Variants in TRPM3 observed in about 807,000 individuals in gnomAD.
The protein encoded by TRPM3 is transient receptor potential cation channel subfamily M member 3.
In TRPM3, 77 loss-of-function variants were observed where a neutral mutation model predicts 181.2. The observed-to-expected ratio is 0.42, with a 90% CI of 0.35 to 0.51. TRPM3 has a LOEUF of 0.51. TRPM3 is among the 20% of genes least tolerant of loss of function. TRPM3 has a pLI of 0.01. For synonymous variants in TRPM3, 745 were observed against 796.4 expected (o/e 0.94, Z 1.09); for missense variants, 1,759 against 2,196.7 (o/e 0.80, Z 3.98).
chr9:70,654,902 C>T (rs1317292619), intron 9 of TRPM3, among the ~76,000 whole-genome samples: 1 of 151,322 alleles, frequency 6.6e-6, no homozygotes, highest in African/African-American at 2.4e-5. Flanking sequence ...CCAGGATGGT[C>T]TCGATCTCCT....
intron 1 of TRPM3, among the ~76,000 whole-genome samples, chr9:71,163,204 T>C (rs947892273): frequency 6.6e-6 from 1 of 152,052 alleles, no homozygotes; most frequent in African/African-American, 2.4e-5. Context: ...GTGTGAAGAA[T>C]AGATTGGGAA....
chr9:70,609,042 T>G (rs2061630367), intron 19 of TRPM3, among the ~76,000 whole-genome samples: 1 of 152,218 alleles, frequency 6.6e-6, no homozygotes, highest in Admixed American at 6.5e-5. Flanking sequence ...ATAGTCACAG[T>G]TACATTGTAC....
rs115376269 is a variant in TRPM3 at position 71,276,210 on chromosome 9, G to A, written c.183+170443C>T. The stretch of plus-strand genomic sequence containing the variant: ...TACATACGTGGCAAAAAATCCCTTC[G>A]TCAACCGTACACACAAATCAATTCT... On this transcript the variant is annotated intron_variant, in intron 1 of 24. Transcript: ENST00000357533. Among the ~76,000 whole-genome samples, 900 of 152,094 alleles carry A rather than the reference G, an allele frequency of 5.9e-3. 14 individuals carry two copies. The highest frequency in any genetic ancestry group is 0.021 in the African/African-American group (865 of 41,476).
chr9:70,589,714 T>C (rs1348242707), intron 22 of TRPM3, among the ~76,000 whole-genome samples: 3 of 152,224 alleles, frequency 2.0e-5, no homozygotes, highest in Non-Finnish European at 2.9e-5. Context: ...CTAAGTCTCA[T>C]GAAACAAGTA....
intron 8 of TRPM3, among the ~76,000 whole-genome samples, chr9:70,690,292 C>G (rs2068132680): frequency 6.6e-6 from 1 of 152,076 alleles, no homozygotes; most frequent in African/African-American, 2.4e-5. Context: ...GATAGATAAT[C>G]AACAAAGAAA....
At chr9:71,366,338 AC>A (rs1441112040) in intron 1 of TRPM3, among the ~76,000 whole-genome samples, 2 of 152,096 alleles carry the variant, frequency 1.3e-5, no homozygotes, top group Admixed American at 1.3e-4. Context: ...TGGTGGGGGT[AC>A]CTGGGAGTGG....
chr9:70,840,676 G>T (rs780578562), intron 5 of TRPM3, among the ~76,000 whole-genome samples: 1 of 152,104 alleles, frequency 6.6e-6, no homozygotes, highest in Non-Finnish European at 1.5e-5. Flanking sequence ...AGTTGGAATG[G>T]GAGGTAGAAG....
At chr9:71,446,716 C>G (rs2094209129) in exon 1 of TRPM3, 1 of 1,550,622 alleles carries the variant, frequency 6.4e-7, no homozygotes, top group East Asian at 2.4e-5. Flanking sequence ...TTAACCTTTT[C>G]CACGACTCGG....
intron 1 of TRPM3, among the ~76,000 whole-genome samples, chr9:71,408,179 C>T (rs894408609): frequency 6.6e-6 from 1 of 152,114 alleles, no homozygotes; most frequent in African/African-American, 2.4e-5. Flanking sequence ...ATTCTAAAAA[C>T]CAGAGCACCT....
At chr9:70,830,563 G>A (rs758005337) in intron 5 of TRPM3, among the ~76,000 whole-genome samples, 15 of 152,160 alleles carry the variant, frequency 9.9e-5, no homozygotes, top group African/African-American at 2.4e-5. Flanking sequence ...CATATTTTGG[G>A]AGAGAGTTTG....
rs1458585399 is a variant in TRPM3, at chr9:70,533,491, A to C, written c.*2462T>G. The C allele has an allele frequency of 6.6e-6, 1 of 152,230 alleles. No individual in the cohort carries two copies. The highest frequency in any genetic ancestry group is 2.4e-5 in the African/African-American group (1 of 41,460). 9.4% of individuals were successfully genotyped at this position (152,230 alleles called of 1,614,324 possible). A position where few individuals can be genotyped will look rare whatever the true frequency, so the allele number is the denominator to read the frequency against. ...AATGTAAAGTGCCTATTACAACTGC[A>C]TTAACTACGAGCAAACATGGTTCCT... On this transcript the variant is annotated 3_prime_UTR_variant, in exon 26 of 26. Transcript: ENST00000677713.
intron 1 of TRPM3, among the ~76,000 whole-genome samples, chr9:71,047,712 A>G (rs1454264884): frequency 6.6e-6 from 1 of 152,168 alleles, no homozygotes; most frequent in Admixed American, 6.5e-5. Context: ...TAGAATGGCT[A>G]AATATGTTCC....
rs535364494 is a variant in TRPM3, at chr9:71,077,460, T to C, written c.177+43718A>G. ...TCAGGTCATCTCTTTCTCACATAGA[T>C]ATACATATCCTATGTGAATTCATTT... On this transcript the variant is annotated intron_variant, in intron 1 of 25. Coordinates refer to ENST00000677713, the MANE Select transcript of TRPM3 (RefSeq NM_001366145.2). 5.3e-4 allele frequency among the ~76,000 whole-genome samples: 80 copies of C among 152,340 alleles called. No homozygotes were observed. The Middle Eastern group carries it at 0.014, about 26-fold the overall frequency.
At chr9:70,917,971 G>GA (rs889537644) in intron 1 of TRPM3, among the ~76,000 whole-genome samples, 27 of 145,006 alleles carry the variant, frequency 1.9e-4, no homozygotes, top group East Asian at 4.0e-4. Flanking sequence ...CATGCCAAAG[G>GA]AAAAAAAAAA....
intron 1 of TRPM3, chr9:70,869,024 G>A (rs1432364316): frequency 1.0e-5 from 10 of 985,048 alleles, no homozygotes; most frequent in Non-Finnish European, 1.2e-5. Context: ...AGCAGTCCCC[G>A]GAGCAGCTCC....
intron 1 of TRPM3, among the ~76,000 whole-genome samples, chr9:71,243,054 G>A (rs569311872): frequency 6.6e-6 from 1 of 152,060 alleles, no homozygotes; most frequent in East Asian, 1.9e-4. Context: ...GTTTTGTTTT[G>A]TTTGTTTCAG....
chr9:70,677,237 T>C (rs911005923), intron 9 of TRPM3, among the ~76,000 whole-genome samples: 1 of 152,132 alleles, frequency 6.6e-6, no homozygotes, highest in African/African-American at 2.4e-5. Flanking sequence ...GACCCAATGA[T>C]GCAAAAGTTA....
chr9:70,574,435 A>T (rs1378546589), intron 22 of TRPM3, among the ~76,000 whole-genome samples: 3 of 151,896 alleles, frequency 2.0e-5, no homozygotes, highest in African/African-American at 7.3e-5. Flanking sequence ...ATTCCTCCTT[A>T]TTCTGCATAG....
intron 4 of TRPM3, among the ~76,000 whole-genome samples, chr9:70,843,343 T>A (rs771004222): frequency 1.1e-4 from 16 of 152,190 alleles, no homozygotes; most frequent in Non-Finnish European, 1.6e-4. Flanking sequence ...AATTCTAGCA[T>A]TGCATTTCTT....
Sources: gnomAD v4.1 joint callset for allele counts (sites outside exome capture counted in the v4.1 genomes callset) on GRCh38, gnomAD v4.1.1 for gene constraint, MANE v1.5 for transcripts, NCBI Gene and HGNC (gene_info 2026-07-23, HGNC 2026-07-21) for gene names.